Variants in RBFOX1 observed in about 807,000 individuals in gnomAD.
RBFOX1 encodes the protein RNA binding protein fox-1 homolog 1.
Under a neutral mutation model 57.7 loss-of-function variants are expected in RBFOX1, and 8 were observed. The observed-to-expected ratio is 0.14, with a 90% CI of 0.08 to 0.25. RBFOX1 has a LOEUF of 0.25. RBFOX1 is among the 10% of genes least tolerant of loss of function. The probability of loss-of-function intolerance (pLI) is 1.00; values close to 1 mark genes in which losing one functional copy is unlikely to be tolerated. For missense variants in RBFOX1, 611 were observed against 548.5 expected, an observed-to-expected ratio of 1.11 and a Z score of -1.14; for synonymous variants, 326 against 222.4, an observed-to-expected ratio of 1.47 and a Z score of -4.15.
chr16:7,234,495 T>C (rs985594028), intron 4 of RBFOX1, among the ~76,000 whole-genome samples: 3 of 151,958 alleles, frequency 2.0e-5, no homozygotes, highest in African/African-American at 7.3e-5. Context: ...AGGCTCAAAG[T>C]TTGTCTTCTA....
At chr16:6,786,486 G>C (rs1313975383) in intron 3 of RBFOX1, among the ~76,000 whole-genome samples, 2 of 152,172 alleles carry the variant, frequency 1.3e-5, no homozygotes, top group African/African-American at 4.8e-5. Flanking sequence ...AAAGAGCTGT[G>C]TAGCCCCTTA....
intron 4 of RBFOX1, among the ~76,000 whole-genome samples, chr16:7,211,994 C>T (rs1005489398): frequency 1.3e-5 from 2 of 152,146 alleles, no homozygotes; most frequent in Admixed American, 6.5e-5. Flanking sequence ...ATCAAGCCAC[C>T]CCAAATAACC....
intron 1 of RBFOX1, among the ~76,000 whole-genome samples, chr16:6,169,810 G>T (rs377705042): frequency 1.7e-4 from 25 of 150,762 alleles, no homozygotes; most frequent in African/African-American, 6.1e-4. Context: ...TATCACCCAG[G>T]CTGGAGTGCA....
chr16:7,329,471 G>A (rs1007761929), intron 4 of RBFOX1, among the ~76,000 whole-genome samples: 1 of 152,214 alleles, frequency 6.6e-6, no homozygotes, highest in African/African-American at 2.4e-5. Context: ...GCTCCAAGAA[G>A]GAAGAATCAC....
intron 3 of RBFOX1, among the ~76,000 whole-genome samples, chr16:6,744,384 TAGC>T (rs748332423): frequency 3.9e-5 from 6 of 152,094 alleles, no homozygotes; most frequent in Non-Finnish European, 8.8e-5. Context: ...TATCCTAAAA[TAGC>T]AGGATACATA....
chr16:5,355,220 G>A (rs999711044), intron 1 of RBFOX1, among the ~76,000 whole-genome samples: 27 of 152,128 alleles, frequency 1.8e-4, no homozygotes, highest in African/African-American at 5.3e-4. Flanking sequence ...CATTCTGTGC[G>A]TTAGTTCAGG....
At chr16:6,177,665 A>G (rs2097023293) in intron 1 of RBFOX1, among the ~76,000 whole-genome samples, 2 of 152,198 alleles carry the variant, frequency 1.3e-5, no homozygotes, top group African/African-American at 4.8e-5. Context: ...CATTTGTGGA[A>G]GGACTTGACA....
intron 4 of RBFOX1, among the ~76,000 whole-genome samples, chr16:7,142,496 C>A (rs1398046704): frequency 6.6e-6 from 1 of 152,154 alleles, no homozygotes; most frequent in Non-Finnish European, 1.5e-5. Flanking sequence ...TTGTGTCCTA[C>A]CCCTGAGTGT....
intron 3 of RBFOX1, among the ~76,000 whole-genome samples, chr16:6,771,885 A>C (rs62016075): frequency 0.12 from 17,910 of 152,088 alleles, 1,313 homozygotes; most frequent in Admixed American, 0.22. Context: ...CCTTCTCCCC[A>C]TTAGACCTTT....
At chr16:7,062,337 AAGAAAAG>A (rs1437926704) in intron 4 of RBFOX1, among the ~76,000 whole-genome samples, 8 of 140,696 alleles carry the variant, frequency 5.7e-5, no homozygotes, top group African/African-American at 2.2e-4. Flanking sequence ...AAAAAAAAAA[AAGAAAAG>A]AAAAAAGGAA....
At chr16:5,868,992 T>C (rs2151899546) in intron 4 of RBFOX1, among the ~76,000 whole-genome samples, 1 of 152,274 alleles carries the variant, frequency 6.6e-6, no homozygotes, top group African/African-American at 2.4e-5. Context: ...TTGTGATGTA[T>C]AGGCTATGAT....
chr16:7,140,847 G>A (rs9923085), intron 4 of RBFOX1, among the ~76,000 whole-genome samples: 19,650 of 152,140 alleles, frequency 0.13, 1,547 homozygotes, highest in East Asian at 0.33. Context: ...GCGGACTCCA[G>A]GAGCAGGATT....
intron 2 of RBFOX1, among the ~76,000 whole-genome samples, chr16:6,604,910 C>G (rs555467733): frequency 6.6e-6 from 1 of 152,114 alleles, no homozygotes; most frequent in South Asian, 2.1e-4. Context: ...CTTAGGCAGG[C>G]AGGTTACTTG....
At chr16:5,820,964 G>T (rs978379243) in intron 3 of RBFOX1, among the ~76,000 whole-genome samples, 6 of 152,100 alleles carry the variant, frequency 3.9e-5, no homozygotes, top group Admixed American at 1.3e-4. Context: ...CTCCCTGTGA[G>T]CCCACCTCCT....
chr16:7,613,051 G>C (rs1227564290), intron 10 of RBFOX1, among the ~76,000 whole-genome samples: 1 of 152,054 alleles, frequency 6.6e-6, no homozygotes, highest in South Asian at 2.1e-4. Context: ...ATCTTCTAAC[G>C]GAAATGCAGA....
intron 2 of RBFOX1, among the ~76,000 whole-genome samples, chr16:6,450,819 A>ATATATATATG (rs2094592029): frequency 1.2e-4 from 1 of 8,692 alleles, no homozygotes; most frequent in South Asian, 4.6e-3. Flanking sequence ...ATATATATAC[A>ATATATATATG]TATATATATA....
intron 1 of RBFOX1, among the ~76,000 whole-genome samples, chr16:5,457,462 A>G (rs62016424): frequency 0.024 from 3,653 of 152,198 alleles, 50 homozygotes; most frequent in Non-Finnish European, 0.038. Context: ...AAGAGCACTA[A>G]TCCCATTCAT....
Position 6,844,836 on chromosome 16 carries a change from T to G in RBFOX1, c.-16+190186T>G, listed in dbSNP as rs573669749. Among the ~76,000 whole-genome samples, 189 of 152,318 alleles carry G rather than the reference T, an allele frequency of 1.2e-3. 1 individual carries two copies. The highest frequency in any genetic ancestry group is 4.3e-3 in the African/African-American group (179 of 41,566). ...AAAATGTTGCTTTTTCTCCATAACCTTGCCAGCACCTGTTTTTTAATATTT... is the reference window on the plus strand; with the variant it reads ...AAAATGTTGCTTTTTCTCCATAACCGTGCCAGCACCTGTTTTTTAATATTT... On this transcript the variant is annotated intron_variant, in intron 3 of 15. Transcript: ENST00000550418.
At chr16:5,428,667 G>A (rs2067637355) in intron 1 of RBFOX1, among the ~76,000 whole-genome samples, 1 of 152,180 alleles carries the variant, frequency 6.6e-6, no homozygotes, top group Non-Finnish European at 1.5e-5. Context: ...AACCTGGAGG[G>A]TGAGGAGGAG....
Sources: gnomAD v4.1 joint callset for allele counts (sites outside exome capture counted in the v4.1 genomes callset) on GRCh38, gnomAD v4.1.1 for gene constraint, MANE v1.5 for transcripts, NCBI Gene and HGNC (gene_info 2026-07-23, HGNC 2026-07-21) for gene names.